GOLGA8S: variants seen among roughly 807,000 people sequenced by gnomAD.
The protein encoded by GOLGA8S is golgin subfamily A member 8S.
Under a neutral mutation model 58.9 loss-of-function variants are expected in GOLGA8S, and 23 were observed. That is an observed-to-expected ratio of 0.39 (90% confidence interval 0.28 to 0.55). The LOEUF (loss-of-function observed/expected upper bound fraction) is 0.55. Among genes scored for constraint, GOLGA8S ranks in the 20% least tolerant of loss-of-function variants. The probability of loss-of-function intolerance (pLI) is 0.63; values close to 1 mark genes in which losing one functional copy is unlikely to be tolerated. For missense variants in GOLGA8S, 266 were observed against 514.2 expected (o/e 0.52, Z 4.67); for synonymous variants, 84 against 195.7 (o/e 0.43, Z 4.76).
intron 15 of GOLGA8S, among the ~76,000 whole-genome samples, chr15:23,364,138 G>A (rs1158201011): frequency 1.4e-5 from 2 of 138,072 alleles, no homozygotes; most frequent in African/African-American, 5.1e-5. Flanking sequence ...GGTGGCCTCG[G>A]CCCAGAAGGA....
downstream of GOLGA8S, among the ~76,000 whole-genome samples, chr15:23,367,788 ATG>A (rs1165000348): frequency 6.6e-6 from 1 of 151,932 alleles, no homozygotes; most frequent in African/African-American, 2.4e-5. Context: ...GAATTTTAAA[ATG>A]TGAGTTCCAC....
downstream of GOLGA8S, chr15:23,366,063 C>G (rs970715693): frequency 6.6e-6 from 1 of 150,866 alleles, no homozygotes; most frequent in Non-Finnish European, 1.5e-5. Context: ...GTTCATGTTA[C>G]CTGTTTTAAT....
intron 13 of GOLGA8S, among the ~76,000 whole-genome samples, chr15:23,362,603 C>T (rs2069821013): frequency 7.2e-6 from 1 of 139,622 alleles, no homozygotes; most frequent in Non-Finnish European, 1.6e-5. Flanking sequence ...GCTCCCACTA[C>T]TTTTCTACCA....
exon 11 of GOLGA8S, chr15:23,360,735 C>G: frequency 9.2e-7 from 1 of 1,088,288 alleles, no homozygotes; most frequent in South Asian, 1.3e-5. Flanking sequence ...CAGGTTTGCT[C>G]GTTGAAGAAG....
At chr15:23,361,298 G>C (rs1319417040) in exon 12 of GOLGA8S, 1 of 1,402,690 alleles carries the variant, frequency 7.1e-7, no homozygotes, top group Admixed American at 1.7e-5. Flanking sequence ...ACTAGAGAGA[G>C]TGGCAGGAGC....
chr15:23,366,502 A>G (rs1310817664), downstream of GOLGA8S: 1 of 151,986 alleles, frequency 6.6e-6, no homozygotes, highest in Non-Finnish European at 1.5e-5. Context: ...AGTTTATGAA[A>G]CTTAAAATGT....
rs774816099 is a variant in GOLGA8S, at chr15:23,365,068, A to G, written c.1812A>G (p.Pro604=). ...TCGTGCAGGACCACCAGGAGCACCC[A>G]GGCTTGGGCAACAACTGCTGTGTGC... is the stretch of plus-strand genomic sequence containing the variant. The change falls in exon 19 of 19, where the codon CCA becomes CCG. Residue 604 remains proline, a synonymous_variant. Coordinates refer to ENST00000562295, the Ensembl canonical transcript of GOLGA8S. 10 of 1,580,728 alleles carry G rather than the reference A, an allele frequency of 6.3e-6. 1 individual carries two copies. In the South Asian group the frequency reaches 1.1e-4, roughly 18 times the overall value.
intron 15 of GOLGA8S, 35 bp downstream of exon 15, chr15:23,363,804 C>G (rs1233272545): frequency 1.9e-6 from 1 of 528,674 alleles, no homozygotes; most frequent in East Asian, 4.3e-5. Context: ...ATTTTGCCAC[C>G]TTTCTCTGTG....
exon 19 of GOLGA8S, chr15:23,365,094 C>T: frequency 1.3e-6 from 2 of 1,584,394 alleles, no homozygotes; most frequent in African/African-American, 1.4e-5. Context: ...TGCTGTGTGC[C>T]ATTCTTTTGC....
downstream of GOLGA8S, chr15:23,366,553 GTAT>G (rs2069925722): frequency 6.6e-6 from 1 of 152,086 alleles, no homozygotes; most frequent in Non-Finnish European, 1.5e-5. Flanking sequence ...GAATGTCAAT[GTAT>G]TATCAGGAAA....
chr15:23,361,380 A>C (rs1194303413), exon 12 of GOLGA8S: 1 of 870,862 alleles, frequency 1.1e-6, no homozygotes. Context: ...AGGCTTCGGG[A>C]GCAGCAGGAG....
chr15:23,364,182 G>T (rs1394233275), intron 15 of GOLGA8S, among the ~76,000 whole-genome samples, 161 bp from the exon 16 acceptor site: 3 of 144,184 alleles, frequency 2.1e-5, no homozygotes, highest in African/African-American at 7.4e-5. Context: ...GAGCCCCAGG[G>T]CCTGGGGGCG....
At chr15:23,360,355 G>C (rs1371500176) in intron 9 of GOLGA8S, 37 bp downstream of exon 9, 1 of 872,496 alleles carries the variant, frequency 1.1e-6, no homozygotes, top group Admixed American at 1.7e-5. Flanking sequence ...GAAGGAAGAT[G>C]ACCCCAGGTA....
chr15:23,360,926 A>G (rs1479587347), intron 11 of GOLGA8S, 111 bp downstream of exon 11: 1 of 792,820 alleles, frequency 1.3e-6, no homozygotes. Flanking sequence ...AGGCAGAGGG[A>G]AAGAGGTCTG....
downstream of GOLGA8S, chr15:23,365,431 C>T (rs1477459328): frequency 7.6e-6 from 4 of 526,510 alleles, no homozygotes; most frequent in Admixed American, 3.3e-5. Context: ...TTCAAACACA[C>T]AAAGACCCAC....
chr15:23,365,853 TTA>T (rs1421856782), downstream of GOLGA8S: 1 of 155,580 alleles, frequency 6.4e-6, no homozygotes, highest in Non-Finnish European at 1.4e-5. Flanking sequence ...TAGCAGTGTA[TTA>T]TGGTGGTTCC....
At chr15:23,356,355 T>G (rs1253204986) in intron 1 of GOLGA8S, among the ~76,000 whole-genome samples, 2 of 137,170 alleles carry the variant, frequency 1.5e-5, no homozygotes, top group Non-Finnish European at 3.3e-5. Context: ...CCCCAGAGTT[T>G]GGAGTCAGAA....
intron 8 of GOLGA8S, among the ~76,000 whole-genome samples, chr15:23,359,520 A>T (rs2069748650): frequency 7.0e-6 from 1 of 143,230 alleles, no homozygotes; most frequent in Non-Finnish European, 1.5e-5. Flanking sequence ...AAGGTACAGA[A>T]GAGTACCTTT....
downstream of GOLGA8S, among the ~76,000 whole-genome samples, chr15:23,368,406 T>C: frequency 6.6e-6 from 1 of 151,900 alleles, no homozygotes; most frequent in East Asian, 1.9e-4. Flanking sequence ...ATGCTGGGCA[T>C]GCTTGACATG....
Sources: allele counts gnomAD v4.1 joint callset (sites outside exome capture counted in the v4.1 genomes callset), GRCh38; gene constraint gnomAD v4.1.1; transcripts MANE v1.5; gene names NCBI Gene and HGNC (gene_info 2026-07-23, HGNC 2026-07-21).